The following OPLAH variants were observed in gnomAD, a reference collection of about 807,000 sequenced individuals.
OPLAH encodes the protein 5-oxoprolinase.
In OPLAH, 103 loss-of-function variants were observed where a neutral mutation model predicts 122.8. The observed-to-expected ratio is 0.84, with a 90% CI of 0.71 to 0.99. OPLAH has a LOEUF of 0.99. Ranked by LOEUF, OPLAH falls within the 50% of genes least tolerant of loss-of-function variation. OPLAH has a pLI of 0.00. For synonymous variants in OPLAH, 875 were observed against 796.0 expected, an observed-to-expected ratio of 1.10 and a Z score of -1.67; for missense variants, 1,902 against 1,836.5, an observed-to-expected ratio of 1.04 and a Z score of -0.65.
In OPLAH at chr8:144,051,840, C is replaced by A; in HGVS notation, c.3623-14G>T. The A allele has an allele frequency of 7.0e-7, 1 of 1,420,026 alleles. No individual in the cohort carries two copies. The allele number at this position is 1,420,026 out of a possible 1,614,324, so 88.0% of individuals were successfully genotyped here. A position where few individuals can be genotyped will look rare whatever the true frequency, so the allele number is the denominator to read the frequency against. On this transcript the variant is annotated splice_polypyrimidine_tract_variant and intron_variant, in intron 25 of 26. Transcript: ENST00000618853. The stretch of plus-strand genomic sequence containing the variant: ...CAGGCTCGCCCCCTGCGGAGGGAGG[C>A]GAGGAGTCCAGAGAGACCAGGGGCG...
chr8:144,057,018 G>C lies in OPLAH; in HGVS notation c.1636C>G (p.Gln546Glu), dbSNP rs1554759397. ...AGGCGGCTCAGCCTCTGGTCCAGCT[G>C]CACGAAGGTCTCAGGCGCGTAGAGC... ...SLLYAPETFV[Q>E]LDQRLSRLEE... is the part of the protein sequence containing the mutation. The change falls in exon 12 of 27, where the codon CAG (glutamine) becomes GAG (glutamate). Residue 546 changes from glutamine (Q) to glutamate (E), a missense_variant. Physicochemically the swap from Gln to Glu is conservative, Grantham distance 29. This residue lies in a region of OPLAH where 1,726 missense variants were observed against 1,642.1 expected (regional missense o/e 1.05). Transcript: ENST00000618853. 6.3e-7 allele frequency: 1 copy of C among 1,596,184 alleles called. No homozygotes were observed. The highest frequency in any genetic ancestry group is 1.1e-5 in the South Asian group (1 of 87,942).
In OPLAH at chr8:144,058,420, A is replaced by T. The variant is rs937817259; in HGVS notation, c.784-16T>A. 5 of 1,587,384 alleles carry T rather than the reference A, an allele frequency of 3.1e-6. No individual in the cohort carries two copies. The East Asian group carries it at 1.1e-4, about 36-fold the overall frequency. ...CCTGCACATCCTGCGAGCGGGCAGC[A>T]GGCGGGCCATGAGGGGCAGGCCAAG... On this transcript the variant is annotated splice_polypyrimidine_tract_variant and intron_variant, in intron 6 of 26. Coordinates refer to ENST00000618853, the MANE Select transcript of OPLAH (RefSeq NM_017570.5).
Position 144,058,582 on chromosome 8 carries a change from G to C in OPLAH, c.697C>G (p.His233Asp). Residue 233 changes from histidine (H) to aspartate (D), a missense_variant, in exon 6 of 27, where the codon CAC becomes GAC. Physicochemically the swap from His to Asp is moderately conservative, Grantham distance 81 (BLOSUM62 -1). Coordinates refer to ENST00000618853, the MANE Select transcript of OPLAH (RefSeq NM_017570.5). Reference sequence around the variant, plus strand: ...AGGTAGGCGTCGGCACAGGCCGTGTGCCCCCGAGGGACGATGCGCACCATG... The same window carrying C: ...AGGTAGGCGTCGGCACAGGCCGTGTCCCCCCGAGGGACGATGCGCACCATG... ...MPMVRIVPRG[H>D]TACADAYLTP... The C allele has an allele frequency of 1.2e-6, 2 of 1,602,478 alleles. No individual in the cohort carries two copies. Among genetic ancestry groups the C allele is most frequent in the Non-Finnish European group, 1.7e-6 (2 of 1,179,324 alleles).
chr8:144,059,645 TCTCG>T lies in OPLAH; in HGVS notation c.313_316del (p.Arg105ThrfsTer48), dbSNP rs782750497. 4.0e-5 allele frequency: 64 copies of T among 1,612,316 alleles called. No individual in the cohort carries two copies. The Middle Eastern group carries it at 6.6e-4, about 17-fold the overall frequency. On this transcript the variant is annotated frameshift_variant, in exon 3 of 27. Transcript: ENST00000618853. LOFTEE classifies it high-confidence loss of function. ...GGCTTGGGTGCCAATGTGCAGCAGG[TCTCG>T]GAAGCCACGTGTCACCAGCAGCGCC... is the stretch of plus-strand genomic sequence containing the variant.
chr8:144,054,107 T>C (rs28549706), intron 19 of OPLAH, among the ~76,000 whole-genome samples: 18,093 of 150,954 alleles, frequency 0.12, 3,403 homozygotes, highest in African/African-American at 0.4. Context: ...GTGGGCACAG[T>C]GGGAGCTCAG....
rs374893883 is a variant in OPLAH at position 144,058,945 on chromosome 8, G to T, written c.463+35C>A. The T allele has an allele frequency of 1.9e-3, 3,007 of 1,556,742 alleles. 19 individuals carry two copies. The highest frequency in any genetic ancestry group is 9.6e-3 in the South Asian group (809 of 84,608). On this transcript the variant is annotated intron_variant, in intron 4 of 26. Coordinates refer to ENST00000618853, the MANE Select transcript of OPLAH (RefSeq NM_017570.5). Reference sequence around the variant, plus strand: ...CCGTTAAAGGCCAGCAGGACCCTCCGGCCCCAAATCCCACAGCAGCGGCGG... The same window carrying T: ...CCGTTAAAGGCCAGCAGGACCCTCCTGCCCCAAATCCCACAGCAGCGGCGG...
rs1554759752 is a variant in OPLAH at position 144,057,927 on chromosome 8, G to A, written c.1089-4C>T. On this transcript the variant is annotated splice_region_variant and splice_polypyrimidine_tract_variant and intron_variant, in intron 8 of 26. Coordinates refer to ENST00000618853, the MANE Select transcript of OPLAH (RefSeq NM_017570.5). ...CCCAACCACAAAGAGGCCAGACCTA[G>A]GGGAAGGAAGGGCTGGGGTTGGAGT... is the stretch of plus-strand genomic sequence containing the variant. The A allele has an allele frequency of 6.2e-7, 1 of 1,611,818 alleles. No individual in the cohort carries two copies. The highest frequency in any genetic ancestry group is 1.3e-5 in the African/African-American group (1 of 74,862).
In OPLAH at chr8:144,054,695, G is replaced by C; in HGVS notation, c.2552C>G (p.Ala851Gly). 1 of 1,612,444 alleles carries C rather than the reference G, an allele frequency of 6.2e-7. No homozygotes were observed. The highest frequency in any genetic ancestry group is 8.5e-7 in the Non-Finnish European group (1 of 1,179,816). ...GATGTCTGCGTGGTGCCCTCGGCTG[G>C]CCACATAGAACACAGGCCGCGTCTG... ...PGQTRPVFYV[A>G]SRGHHADIGG... is the part of the protein sequence containing the mutation. The change falls in exon 19 of 27, where the codon GCC becomes GGC. Residue 851 changes from alanine to glycine, a missense_variant. Physicochemically the swap from Ala to Gly is moderately conservative, Grantham distance 60 (BLOSUM62 0). Transcript: ENST00000618853.
intron 1 of OPLAH, 91 bp downstream of exon 1, chr8:144,060,562 C>T (rs144843136): frequency 0.056 from 8,367 of 149,804 alleles, 267 homozygotes; most frequent in Middle Eastern, 0.09. Context: ...AGGAGCGGCC[C>T]GGGAGGCAGC....
At chr8:144,060,306 C>A (rs1404659380) in intron 1 of OPLAH, among the ~76,000 whole-genome samples, 2 of 152,260 alleles carry the variant, frequency 1.3e-5, no homozygotes, top group Non-Finnish European at 2.9e-5. Flanking sequence ...CTTCTCCGGG[C>A]CCTGGACTGG....
Position 144,055,106 on chromosome 8 carries a change from GC to G in OPLAH, c.2331del (p.Asp779MetfsTer40). 1 of 1,584,970 alleles carries G rather than the reference GC, an allele frequency of 6.3e-7. No homozygotes were observed. Among genetic ancestry groups the G allele is most frequent in the South Asian group, 1.2e-5 (1 of 86,580 alleles). On this transcript the variant is annotated frameshift_variant, in exon 17 of 27. Coordinates refer to ENST00000618853, the MANE Select transcript of OPLAH (RefSeq NM_017570.5). LOFTEE classifies it high-confidence loss of function. The surrounding 1 kb of genome is among the most constrained non-coding windows in gnomAD (Gnocchi z 6.5). ...GCATTGGACACCAGCCCCCCATCGG[GC>G]CCAAAGAGGGCACAGGAGAAGTCCA... ...ERLDFSCALF[G>X]PDGGLVSNAP... is the part of the protein sequence containing the mutation.
chr8:144,055,215 G>A lies in OPLAH; in HGVS notation c.2249-26C>T, dbSNP rs782322498. 40 of 1,491,460 alleles carry A rather than the reference G, an allele frequency of 2.7e-5. No individual in the cohort carries two copies. The highest frequency in any genetic ancestry group is 3.3e-5 in the Non-Finnish European group (37 of 1,121,668). The allele number at this position is 1,491,460 out of a possible 1,614,324, so 92.4% of individuals were successfully genotyped here. On this transcript the variant is annotated intron_variant, in intron 16 of 26. Transcript: ENST00000618853. The surrounding 1 kb of genome is among the most constrained non-coding windows in gnomAD (Gnocchi z 6.5). ...CTAGGAGCACAAAGTGACCAGGCCC[G>A]CTGGCCCCACCCACCCACAGCCTGG... is the stretch of plus-strand genomic sequence containing the variant.
At chr8:144,060,188 G>C (rs1587569574) in intron 1 of OPLAH, 103 bp from the exon 2 acceptor site, 1 of 834,734 alleles carries the variant, frequency 1.2e-6, no homozygotes, top group Non-Finnish European at 1.8e-6. Flanking sequence ...CCACGGGCAC[G>C]ACTCTGGGAA....
Position 144,052,294 on chromosome 8 carries a change from G to C in OPLAH, c.3336C>G (p.Ala1112=). Residue 1112 remains alanine (A), a synonymous_variant, in exon 24 of 27, where the codon GCC becomes GCG. Coordinates refer to ENST00000618853, the MANE Select transcript of OPLAH (RefSeq NM_017570.5). Reference sequence around the variant, plus strand: ...CCACCGTCTCGTAGTAGCCCATGTGGGCGTTGCCCAGGGTCACGTTGTTCA... The same window carrying C: ...CCACCGTCTCGTAGTAGCCCATGTGCGCGTTGCCCAGGGTCACGTTGTTCA... ...GCMNNVTLGN[A]HMGYYETVAG... is the part of the protein sequence containing the mutation. The C allele has an allele frequency of 6.5e-7, 1 of 1,532,544 alleles. No homozygotes were observed. The highest frequency in any genetic ancestry group is 8.7e-7 in the Non-Finnish European group (1 of 1,144,496). 94.9% of individuals were successfully genotyped at this position (1,532,544 alleles called of 1,614,324 possible).
At chr8:144,061,815 G>C (rs984105346), upstream of OPLAH, among the ~76,000 whole-genome samples, 1 of 152,210 alleles carries the variant, frequency 6.6e-6, no homozygotes, top group East Asian at 1.9e-4. Flanking sequence ...GAGGTCAAGA[G>C]ATCAAGACCA....
chr8:144,055,845 G>T lies in OPLAH; in HGVS notation c.2191C>A (p.Pro731Thr), dbSNP rs782539103. 1 of 1,575,640 alleles carries T rather than the reference G, an allele frequency of 6.3e-7. No homozygotes were observed. The highest frequency in any genetic ancestry group is 1.8e-5 in the Admixed American group (1 of 54,646). Reference sequence around the variant, plus strand: ...GACAGCTGGATAGGGTCCAGCTGGGGGCCCACTGTGCCGGGGACTTCGGCC... The same window carrying T: ...GACAGCTGGATAGGGTCCAGCTGGGTGCCCACTGTGCCGGGGACTTCGGCC... ...VGAEVPGTVG[P>T]QLDPIQLSIF... is the part of the protein sequence containing the mutation. Residue 731 changes from proline to threonine, a missense_variant, in exon 16 of 27, where the codon CCC (proline) becomes ACC (threonine). By Grantham distance (38) the Pro-to-Thr change is conservative. This residue lies in a region of OPLAH where 1,726 missense variants were observed against 1,642.1 expected (regional missense o/e 1.05). Coordinates refer to ENST00000618853, the MANE Select transcript of OPLAH (RefSeq NM_017570.5). The surrounding 1 kb of genome is among the most constrained non-coding windows in gnomAD (Gnocchi z 6.5).
intron 4 of OPLAH, 41 bp downstream of exon 4, chr8:144,058,939 C>T: frequency 6.4e-7 from 1 of 1,555,380 alleles, no homozygotes; most frequent in Non-Finnish European, 8.7e-7. Context: ...GCCAGCAGGA[C>T]CCTCCGGCCC....
chr8:144,051,003 C>T (rs1461347332), downstream of OPLAH: 1 of 1,112,540 alleles, frequency 9.0e-7, no homozygotes, highest in African/African-American at 1.6e-5. Context: ...CAGAAGCCGC[C>T]GAGCTAAGCC....
Position 144,052,583 on chromosome 8 carries a change from C to T in OPLAH, c.3169G>A (p.Val1057Met). Residue 1057 changes from valine to methionine, a missense_variant, in exon 23 of 27, where the codon GTG becomes ATG. Val to Met is a conservative substitution (Grantham distance 21). Transcript: ENST00000618853. The part of the protein sequence containing the change: ...IPLNQGCLAP[V>M]RVVIPRGSIL... ...GAGCCTCGGGGAATGACCACGCGCA[C>T]TGGCGCCAGGCAGCCCTGTGCGGGG... is the stretch of plus-strand genomic sequence containing the variant. 6.3e-7 allele frequency: 1 copy of T among 1,596,350 alleles called. No individual in the cohort carries two copies. The highest frequency in any genetic ancestry group is 8.5e-7 in the Non-Finnish European group (1 of 1,177,376).
Sources: allele counts gnomAD v4.1 joint callset (sites outside exome capture counted in the v4.1 genomes callset), GRCh38; gene constraint gnomAD v4.1.1; regional missense constraint gnomAD v4.1.1; non-coding constraint Gnocchi (gnomAD v3.1); transcripts MANE v1.5; gene names NCBI Gene and HGNC (gene_info 2026-07-23, HGNC 2026-07-21).